LYRM4: variants seen among roughly 807,000 people sequenced by gnomAD.
The protein encoded by LYRM4 is LYR motif-containing protein 4.
Under a neutral mutation model 11.7 loss-of-function variants are expected in LYRM4, and 9 were observed. The observed-to-expected ratio is 0.77, with a 90% CI of 0.46 to 1.34. The LOEUF is 1.34. LYRM4 is among the 40% of genes most tolerant of loss of function. LYRM4 has a pLI of 0.00. For missense variants in LYRM4, 133 were observed against 112.5 expected, an observed-to-expected ratio of 1.18 and a Z score of -0.82; for synonymous variants, 42 against 40.4, an observed-to-expected ratio of 1.04 and a Z score of -0.15.
chr6:5,138,470 G>A lies in LYRM4; in HGVS notation c.208-28979C>T, dbSNP rs367765192. Among the ~76,000 whole-genome samples, 8 of 104,578 alleles carry A rather than the reference G, an allele frequency of 7.6e-5. No individual in the cohort carries two copies. In the South Asian group the frequency reaches 2.5e-3, roughly 32 times the overall value. The allele number at this position is 104,578 out of a possible 152,430, so 68.6% of individuals were successfully genotyped here. ...AACTGTACTTCAGCCTGGGCCAACA[G>A]AGTGAGACCCTGTCTCCAAAAAAAA... On this transcript the variant is annotated intron_variant, in intron 2 of 2. Coordinates refer to ENST00000330636, the MANE Select transcript of LYRM4 (RefSeq NM_020408.6).
intron 2 of LYRM4, chr6:5,144,265 G>A: frequency 1.3e-6 from 2 of 1,537,060 alleles, no homozygotes; most frequent in South Asian, 1.2e-5. Context: ...TCAGCTACCT[G>A]CACTGAGATA....
intron 2 of LYRM4, among the ~76,000 whole-genome samples, chr6:5,152,431 A>G (rs934124085): frequency 1.3e-5 from 2 of 152,180 alleles, no homozygotes; most frequent in Admixed American, 6.6e-5. Context: ...TAGATTAAAT[A>G]GGGGGCGAGA....
chr6:5,201,502 T>G (rs979279241), intron 2 of LYRM4, among the ~76,000 whole-genome samples: 1 of 152,222 alleles, frequency 6.6e-6, no homozygotes, highest in Non-Finnish European at 1.5e-5. Context: ...GGCTAAATCC[T>G]CTTTTCAGCC....
chr6:5,250,198 TTATTA>T (rs1263414380), intron 1 of LYRM4, among the ~76,000 whole-genome samples: 2 of 152,128 alleles, frequency 1.3e-5, no homozygotes, highest in African/African-American at 2.4e-5. Context: ...GTATTTTATT[TTATTA>T]TATTTTACTA....
chr6:5,172,413 C>T (rs1223093305), intron 2 of LYRM4, among the ~76,000 whole-genome samples: 2 of 152,170 alleles, frequency 1.3e-5, no homozygotes, highest in Admixed American at 6.5e-5. Flanking sequence ...TGTCCAGGAA[C>T]GATGACCACA....
At chr6:5,078,714 T>A in the LYRM4 span, among the ~76,000 whole-genome samples, 1 of 152,214 alleles carries the variant, frequency 6.6e-6, no homozygotes, top group South Asian at 2.1e-4. Context: ...GTGTATTCCC[T>A]TGCCATATTT....
the LYRM4 span, among the ~76,000 whole-genome samples, chr6:5,070,750 G>T: frequency 2.6e-5 from 4 of 151,574 alleles, no homozygotes; most frequent in Non-Finnish European, 5.9e-5. Flanking sequence ...GGTGGTGCAT[G>T]CCTGTCAGCT....
the LYRM4 span, among the ~76,000 whole-genome samples, chr6:5,052,565 A>G: frequency 4.6e-5 from 7 of 152,218 alleles, no homozygotes; most frequent in African/African-American, 7.2e-5. Context: ...AAGTGCTACA[A>G]TTACAGGCAG....
At chr6:5,068,205 G>A in the LYRM4 span, among the ~76,000 whole-genome samples, 6 of 152,106 alleles carry the variant, frequency 3.9e-5, no homozygotes, top group Non-Finnish European at 8.8e-5. This position sits in a 1 kb window ranked among gnomAD's most constrained non-coding sequence, Gnocchi z 4.0. Context: ...TCTATTCACC[G>A]TCACACTGTA....
chr6:5,066,230 C>T, the LYRM4 span: 1 of 724,522 alleles, frequency 1.4e-6, no homozygotes. Context: ...TGCCAGATAA[C>T]ACTTCATACA....
intron 2 of LYRM4, among the ~76,000 whole-genome samples, chr6:5,165,639 T>G (rs1759040953): frequency 6.6e-6 from 1 of 151,796 alleles, no homozygotes; most frequent in South Asian, 2.1e-4. Context: ...ACCTCCCAGG[T>G]TCAAATGATT....
intron 2 of LYRM4, chr6:5,136,340 T>C (rs1400586557): frequency 1.0e-6 from 1 of 985,350 alleles, no homozygotes; most frequent in Non-Finnish European, 1.2e-6. Context: ...TTGTCCCCTT[T>C]CCTGCTGCCT....
chr6:5,096,326 C>CA, the LYRM4 span, among the ~76,000 whole-genome samples: 2 of 151,922 alleles, frequency 1.3e-5, no homozygotes, highest in East Asian at 3.9e-4. Flanking sequence ...CCTATATCTA[C>CA]AAAAAATTTA....
At chr6:5,251,715 G>A (rs891142745) in intron 1 of LYRM4, among the ~76,000 whole-genome samples, 1 of 152,172 alleles carries the variant, frequency 6.6e-6, no homozygotes, top group African/African-American at 2.4e-5. Flanking sequence ...ATGAGATCTG[G>A]GTGGAGACAA....
At chr6:5,207,932 C>T (rs903717862) in intron 2 of LYRM4, among the ~76,000 whole-genome samples, 5 of 152,134 alleles carry the variant, frequency 3.3e-5, no homozygotes, top group Non-Finnish European at 7.4e-5. Context: ...GTCTTGTCTC[C>T]TTCTGTCAAG....
chr6:5,180,654 G>A (rs445711), intron 2 of LYRM4, among the ~76,000 whole-genome samples: 52,668 of 151,948 alleles, frequency 0.35, 10,380 homozygotes, highest in African/African-American at 0.55. Flanking sequence ...CTATTTTCCT[G>A]GCCCAGAGTT....
At chr6:5,157,677 C>T (rs549249987) in intron 2 of LYRM4, among the ~76,000 whole-genome samples, 6 of 151,538 alleles carry the variant, frequency 4.0e-5, no homozygotes, top group East Asian at 1.9e-4. Flanking sequence ...AATGAAAACA[C>T]GAAAGATGGC....
chr6:5,039,758 C>A, the LYRM4 span, among the ~76,000 whole-genome samples: 1 of 151,954 alleles, frequency 6.6e-6, no homozygotes, highest in East Asian at 1.9e-4. Context: ...AAAATCTGAT[C>A]TAAAATTTAA....
chr6:5,165,528 AT>A (rs1209240140), intron 2 of LYRM4, among the ~76,000 whole-genome samples: 2 of 142,950 alleles, frequency 1.4e-5, no homozygotes, highest in African/African-American at 2.5e-5. Context: ...ATGCAAGTTT[AT>A]TTTTTTTTCC....
Sources: gnomAD v4.1 joint callset for allele counts (sites outside exome capture counted in the v4.1 genomes callset) on GRCh38, gnomAD v4.1.1 for gene constraint, Gnocchi (gnomAD v3.1) non-coding constraint, MANE v1.5 for transcripts, NCBI Gene and HGNC (gene_info 2026-07-23, HGNC 2026-07-21) for gene names.